Variants in RBBP4 observed in about 807,000 individuals in gnomAD.
RBBP4 encodes RB binding protein 4, chromatin remodeling factor, also known as histone-binding protein RBBP4.
A neutral mutation model predicts 57.2 loss-of-function variants in RBBP4; 3 were observed. That is an observed-to-expected ratio of 0.05 (90% CI 0.02 to 0.14). RBBP4 has a LOEUF of 0.14. RBBP4 is among the 10% of genes least tolerant of loss of function. The pLI, the probability that RBBP4 is intolerant of heterozygous loss-of-function variation, is 1.00. For missense variants in RBBP4, 107 were observed against 520.6 expected, an observed-to-expected ratio of 0.21 and a Z score of 7.73; for synonymous variants, 151 against 171.5, an observed-to-expected ratio of 0.88 and a Z score of 0.93.
intron 1 of RBBP4, chr1:32,651,672 C>G (rs1041541206): frequency 2.7e-6 from 2 of 731,932 alleles, no homozygotes; most frequent in South Asian, 2.3e-5. Flanking sequence ...TCGGCGCGCA[C>G]GAGCGTGCTC....
In RBBP4 at chr1:32,669,731, A is replaced by C; in HGVS notation, c.966+168A>C. Among the ~76,000 whole-genome samples, 1 of 152,136 alleles carries C rather than the reference A, an allele frequency of 6.6e-6. No homozygotes were observed. Among genetic ancestry groups the C allele is most frequent in the East Asian group, 1.9e-4 (1 of 5,176 alleles). On this transcript the variant is annotated intron_variant, in intron 8 of 11. Coordinates refer to ENST00000373493, the MANE Select transcript of RBBP4 (RefSeq NM_005610.3). This position sits in a 1 kb window ranked among gnomAD's most constrained non-coding sequence, Gnocchi z 4.9. ...CGGTGAAACCCTGTCTCTACTAAAA[A>C]TATAAAAAATTAGCCGGGCATGGTG...
Position 32,685,715 on chromosome 1 carries a change from T to C in RBBP4, c.*6010T>C, listed in dbSNP as rs1425214558. On this transcript the variant is annotated 3_prime_UTR_variant, in exon 12 of 12. Transcript: ENST00000373493. ...GCTGTCCTGATTGCTCAGTCCTCAC[T>C]ACCTACCAGACCCGTTGGTAAGGTA... 6.6e-6 allele frequency: 1 copy of C among 152,194 alleles called. No homozygotes were observed. The highest frequency in any genetic ancestry group is 1.5e-5 in the Non-Finnish European group (1 of 68,038). 9.4% of individuals were successfully genotyped at this position (152,194 alleles called of 1,614,324 possible).
chr1:32,653,458 A>T (rs1647980246), intron 2 of RBBP4, among the ~76,000 whole-genome samples: 1 of 152,140 alleles, frequency 6.6e-6, no homozygotes, highest in Non-Finnish European at 1.5e-5. Context: ...ACTATGATGT[A>T]GCTCAACAAA....
At chr1:32,663,549 T>C (rs1025463791) in intron 3 of RBBP4, among the ~76,000 whole-genome samples, 6 of 151,310 alleles carry the variant, frequency 4.0e-5, no homozygotes, top group Admixed American at 6.6e-5. Context: ...CTAGGACTTA[T>C]AGGCATGTGC....
Position 32,683,880 on chromosome 1 carries a change from T to G in RBBP4, c.*4175T>G. The G allele has an allele frequency of 1.2e-6, 1 of 829,022 alleles. No homozygotes were observed. The highest frequency in any genetic ancestry group is 1.9e-6 in the Non-Finnish European group (1 of 520,026). The allele number at this position is 829,022 out of a possible 1,614,324, so 51.4% of individuals were successfully genotyped here. A position where few individuals can be genotyped will look rare whatever the true frequency, so the allele number is the denominator to read the frequency against. ...ACTCCTGACTCCAGGTGATCCACCC[T>G]CCTCAGCCTCCCAAAGTGCTAGGAT... On this transcript the variant is annotated 3_prime_UTR_variant, in exon 12 of 12. Transcript: ENST00000373493.
intron 2 of RBBP4, 162 bp downstream of exon 2, chr1:32,652,223 A>G: frequency 1.2e-6 from 1 of 800,914 alleles, no homozygotes; most frequent in East Asian, 2.6e-5. Flanking sequence ...TAACAAAATG[A>G]TTTTGTAACT....
At position 32,681,967 on chromosome 1, in the gene RBBP4, A is replaced by G; in HGVS notation, c.*2262A>G. The stretch of plus-strand genomic sequence containing the variant: ...CAGTGTGATTTATGGATGATCAGGG[A>G]TGACTTTCCCCTAGCAAATATTTGG... On this transcript the variant is annotated 3_prime_UTR_variant, in exon 12 of 12. Transcript: ENST00000373493. The G allele has an allele frequency of 1.1e-5, 11 of 1,017,282 alleles. No individual in the cohort carries two copies. The highest frequency in any genetic ancestry group is 1.4e-5 in the Non-Finnish European group (9 of 658,506). 63.0% of individuals were successfully genotyped at this position (1,017,282 alleles called of 1,614,324 possible). A position where few individuals can be genotyped will look rare whatever the true frequency, so the allele number is the denominator to read the frequency against.
intron 3 of RBBP4, among the ~76,000 whole-genome samples, chr1:32,662,756 C>T (rs1227907624): frequency 1.1e-4 from 17 of 151,642 alleles, no homozygotes; most frequent in African/African-American, 2.9e-4. Flanking sequence ...GAGGCCGAGG[C>T]TTATGGATCA....
rs1648588234 is a variant in RBBP4 at position 32,665,103 on chromosome 1, A to G, written c.311-3122A>G. Among the ~76,000 whole-genome samples the G allele has an allele frequency of 2.6e-5, 4 of 152,316 alleles. No homozygotes were observed. The South Asian group carries it at 8.3e-4, about 32-fold the overall frequency. On this transcript the variant is annotated intron_variant, in intron 3 of 11. Transcript: ENST00000373493. ...GGAAAAAAACTTATGTGTGACGCAC[A>G]ATAAAACGAGCTATGCCTGTACTTA...
rs958115876 is a variant in RBBP4, at chr1:32,680,842, C to T, written c.*1137C>T. 5 of 353,912 alleles carry T rather than the reference C, an allele frequency of 1.4e-5. No homozygotes were observed. Among genetic ancestry groups the T allele is most frequent in the African/African-American group, 1.1e-4 (5 of 47,340 alleles). 21.9% of individuals were successfully genotyped at this position (353,912 alleles called of 1,614,324 possible). ...CCCAGGGAAAGTGAAAGACATAAAA[C>T]ACTGAATCAGAGGTGGCACAGATTA... On this transcript the variant is annotated 3_prime_UTR_variant, in exon 12 of 12. Coordinates refer to ENST00000373493, the MANE Select transcript of RBBP4 (RefSeq NM_005610.3).
chr1:32,681,619 A>G lies in RBBP4; in HGVS notation c.*1914A>G. On this transcript the variant is annotated 3_prime_UTR_variant, in exon 12 of 12. Coordinates refer to ENST00000373493, the MANE Select transcript of RBBP4 (RefSeq NM_005610.3). ...CTTTCCTTGGTGCATTGAGATCAGT[A>G]TCAACAGCAGATGAAATAGAATCCA... is the stretch of plus-strand genomic sequence containing the variant. 1.6e-6 allele frequency: 1 copy of G among 630,088 alleles called. No homozygotes were observed. The highest frequency in any genetic ancestry group is 2.8e-6 in the Non-Finnish European group (1 of 358,344). The allele number at this position is 630,088 out of a possible 1,614,324, so 39.0% of individuals were successfully genotyped here. A position where few individuals can be genotyped will look rare whatever the true frequency, so the allele number is the denominator to read the frequency against.
intron 1 of RBBP4, chr1:32,651,704 G>C (rs1647699197): frequency 1.3e-6 from 1 of 773,844 alleles, no homozygotes; most frequent in African/African-American, 1.8e-5. Flanking sequence ...CTGGCCCCTT[G>C]GCCTGGAACG....
chr1:32,683,955 ATTG>A lies in RBBP4; in HGVS notation c.*4253_*4255del. ...GCCTGTTTTTAAGGCATTAATTAGT[ATTG>A]TTAGGAAAGCAGTAACAATGCAAAC... On this transcript the variant is annotated 3_prime_UTR_variant, in exon 12 of 12. Coordinates refer to ENST00000373493, the MANE Select transcript of RBBP4 (RefSeq NM_005610.3). 1 of 1,556,490 alleles carries A rather than the reference ATTG, an allele frequency of 6.4e-7. No homozygotes were observed. The highest frequency in any genetic ancestry group is 2.2e-5 in the East Asian group (1 of 44,582).
intron 3 of RBBP4, among the ~76,000 whole-genome samples, chr1:32,666,243 A>G (rs1164208703): frequency 6.6e-6 from 1 of 152,246 alleles, no homozygotes; most frequent in Admixed American, 6.5e-5. Flanking sequence ...GCTTCATACA[A>G]GCAATGCAAG....
rs1415175130 is a variant in RBBP4 at position 32,683,578 on chromosome 1, G to A, written c.*3873G>A. 6.5e-6 allele frequency: 1 copy of A among 154,330 alleles called. No homozygotes were observed. The highest frequency in any genetic ancestry group is 1.4e-5 in the Non-Finnish European group (1 of 69,614). The allele number at this position is 154,330 out of a possible 1,614,324, so 9.6% of individuals were successfully genotyped here. A position where few individuals can be genotyped will look rare whatever the true frequency, so the allele number is the denominator to read the frequency against. On this transcript the variant is annotated 3_prime_UTR_variant, in exon 12 of 12. Transcript: ENST00000373493. ...AATGCCTGACTCAGGCGTTTTGGAGGTTTGGGTTATCCCCTTGTCATTAGG... is the reference window on the plus strand; with the variant it reads ...AATGCCTGACTCAGGCGTTTTGGAGATTTGGGTTATCCCCTTGTCATTAGG...
At chr1:32,651,543 A>C in intron 1 of RBBP4, 1 of 1,237,220 alleles carries the variant, frequency 8.1e-7, no homozygotes, top group Non-Finnish European at 1.1e-6. Flanking sequence ...GCCCCCGGCC[A>C]GTGTTTGTTT....
chr1:32,672,979 T>G, intron 11 of RBBP4, 78 bp downstream of exon 11: 1 of 1,172,636 alleles, frequency 8.5e-7, no homozygotes, highest in Non-Finnish European at 1.2e-6. Flanking sequence ...TATTTTATGA[T>G]TACAGCTACC....
chr1:32,662,199 G>T (rs1570846954), intron 3 of RBBP4: 1 of 338,752 alleles, frequency 3.0e-6, no homozygotes, highest in South Asian at 2.1e-5. Context: ...TGTTTTTTTG[G>T]GGTTTTGTTT....
At chr1:32,662,767 C>T (rs958360180) in intron 3 of RBBP4, among the ~76,000 whole-genome samples, 12 of 151,570 alleles carry the variant, frequency 7.9e-5, no homozygotes, top group Non-Finnish European at 1.6e-4. Context: ...TTATGGATCA[C>T]GAAGTCAGGA....
Sources: gnomAD v4.1 joint callset for allele counts (sites outside exome capture counted in the v4.1 genomes callset) on GRCh38, gnomAD v4.1.1 for gene constraint, Gnocchi (gnomAD v3.1) non-coding constraint, MANE v1.5 for transcripts, NCBI Gene and HGNC (gene_info 2026-07-23, HGNC 2026-07-21) for gene names.